The following MBP variants were observed in gnomAD, a reference collection of about 807,000 sequenced individuals.
MBP encodes myelin basic protein.
A neutral mutation model predicts 35.8 loss-of-function variants in MBP; 16 were observed. The observed-to-expected ratio is 0.45, with a 90% CI of 0.30 to 0.68. The LOEUF (loss-of-function observed/expected upper bound fraction) is 0.68. Among genes scored for constraint, MBP ranks in the 30% least tolerant of loss-of-function variants. MBP has a pLI of 0.08. For synonymous variants in MBP, 143 were observed against 159.6 expected, an observed-to-expected ratio of 0.90 and a Z score of 0.78; for missense variants, 380 against 404.7, an observed-to-expected ratio of 0.94 and a Z score of 0.52.
At chr18:77,083,545 T>C (rs1230785535) in intron 2 of MBP, among the ~76,000 whole-genome samples, 1 of 152,210 alleles carries the variant, frequency 6.6e-6, no homozygotes, top group Non-Finnish European at 1.5e-5. Flanking sequence ...TTTTTGTTTA[T>C]AGCAGTGTTA....
At chr18:77,077,317 G>T (rs978373940) in intron 2 of MBP, among the ~76,000 whole-genome samples, 6 of 141,612 alleles carry the variant, frequency 4.2e-5, no homozygotes, top group Non-Finnish European at 9.0e-5. Flanking sequence ...AGCACTGCAG[G>T]CTGCACTCCA....
At chr18:77,032,951 GCTGA>G (rs1972595250) in intron 3 of MBP, among the ~76,000 whole-genome samples, 1 of 152,094 alleles carries the variant, frequency 6.6e-6, no homozygotes, top group African/African-American at 2.4e-5. Context: ...GGCCAATATG[GCTGA>G]CTTTGTTTAA....
intron 3 of MBP, among the ~76,000 whole-genome samples, chr18:77,063,395 C>T (rs1974063768): frequency 6.6e-6 from 1 of 152,160 alleles, no homozygotes; most frequent in Admixed American, 6.5e-5. Flanking sequence ...CCAGCCTCCC[C>T]TAGGGTGGAT....
intron 4 of MBP, among the ~76,000 whole-genome samples, chr18:76,993,792 C>T (rs1183658921): frequency 6.6e-6 from 1 of 152,280 alleles, no homozygotes; most frequent in Non-Finnish European, 1.5e-5. Flanking sequence ...TGTTTACTGA[C>T]ACCTCCACCT....
chr18:77,093,434 T>C (rs1290102839), intron 2 of MBP: 1 of 152,276 alleles, frequency 6.6e-6, no homozygotes, highest in Non-Finnish European at 1.5e-5. Context: ...ATAAAGGTTG[T>C]GGAGAGGCTG....
chr18:77,100,236 G>C (rs1336133015), intron 2 of MBP, among the ~76,000 whole-genome samples: 4 of 152,332 alleles, frequency 2.6e-5, no homozygotes, highest in South Asian at 2.1e-4. Flanking sequence ...GACACACACA[G>C]AGAGACGACC....
At chr18:77,088,645 T>C (rs1422954455) in intron 2 of MBP, among the ~76,000 whole-genome samples, 1 of 109,262 alleles carries the variant, frequency 9.2e-6, no homozygotes, top group Non-Finnish European at 1.9e-5. Context: ...TTTTTGTGCT[T>C]CTTTATTTCT....
intron 3 of MBP, among the ~76,000 whole-genome samples, chr18:77,034,776 C>T (rs1368552711): frequency 6.6e-6 from 1 of 152,214 alleles, no homozygotes; most frequent in Non-Finnish European, 1.5e-5. Context: ...CCTGGTGCAG[C>T]CCCTGCCTCT....
intron 3 of MBP, among the ~76,000 whole-genome samples, chr18:77,057,568 A>C (rs1275758019): frequency 6.6e-6 from 1 of 152,188 alleles, no homozygotes; most frequent in East Asian, 1.9e-4. Flanking sequence ...GTGAAGAAGG[A>C]CAAGGAGAGA....
At chr18:76,981,509 G>A (rs1969199278) in intron 8 of MBP, 1 of 152,120 alleles carries the variant, frequency 6.6e-6, no homozygotes, top group African/African-American at 2.4e-5. Flanking sequence ...TTCTTGGGGG[G>A]TTTTCCAAGT....
intron 3 of MBP, among the ~76,000 whole-genome samples, chr18:77,062,896 T>G (rs1255754059): frequency 1.3e-5 from 2 of 152,200 alleles, no homozygotes; most frequent in East Asian, 3.8e-4. Flanking sequence ...GCAGAGTGGT[T>G]AGCTAAGGAT....
intron 3 of MBP, among the ~76,000 whole-genome samples, chr18:77,029,425 G>GGGGAGA (rs1175310876): frequency 8.8e-5 from 11 of 124,642 alleles, no homozygotes; most frequent in South Asian, 2.8e-4. Flanking sequence ...GGGAGACCGT[G>GGGGAGA]GGGAGAGGGA....
At chr18:77,070,463 A>G (rs1251166849) in intron 2 of MBP, among the ~76,000 whole-genome samples, 10 of 152,238 alleles carry the variant, frequency 6.6e-5, no homozygotes. Flanking sequence ...ACATTCCCCT[A>G]TATCGTAAGG....
chr18:77,086,013 A>T (rs1268147570), intron 2 of MBP, among the ~76,000 whole-genome samples: 2 of 152,188 alleles, frequency 1.3e-5, no homozygotes, highest in East Asian at 3.8e-4. Context: ...AGAGTGACAG[A>T]CAGACAGACA....
At chr18:77,075,231 T>C (rs1372685940) in intron 2 of MBP, among the ~76,000 whole-genome samples, 1 of 152,248 alleles carries the variant, frequency 6.6e-6, no homozygotes, top group African/African-American at 2.4e-5. Flanking sequence ...CTGCATCAAA[T>C]AGGGTGCATT....
At chr18:77,005,359 T>C (rs1485457533) in intron 4 of MBP, 3 of 152,358 alleles carry the variant, frequency 2.0e-5, no homozygotes, top group South Asian at 2.1e-4. Flanking sequence ...CCAGGTACCA[T>C]GTTGCCATGG....
intron 3 of MBP, among the ~76,000 whole-genome samples, chr18:77,023,982 C>T (rs561161890): frequency 6.6e-6 from 1 of 152,234 alleles, no homozygotes; most frequent in African/African-American, 2.4e-5. Flanking sequence ...TGAACGTTTG[C>T]TAATAGAAGA....
intron 2 of MBP, among the ~76,000 whole-genome samples, chr18:77,074,981 T>C (rs1974595193): frequency 1.3e-5 from 2 of 152,310 alleles, no homozygotes; most frequent in East Asian, 3.9e-4. Context: ...GGCAATACTA[T>C]CTTGGATTTA....
chr18:77,015,917 A>C, intron 4 of MBP: 2 of 985,436 alleles, frequency 2.0e-6, no homozygotes, highest in Non-Finnish European at 2.4e-6. Flanking sequence ...AGGCAGAAAA[A>C]CAGCTTCATC....
Sources: allele counts gnomAD v4.1 joint callset (sites outside exome capture counted in the v4.1 genomes callset), GRCh38; gene constraint gnomAD v4.1.1; transcripts MANE v1.5; gene names NCBI Gene and HGNC (gene_info 2026-07-23, HGNC 2026-07-21).